The following MAP4K3 variants were observed in gnomAD, a reference collection of about 807,000 sequenced individuals.
MAP4K3 encodes the protein mitogen-activated protein kinase kinase kinase kinase 3.
A neutral mutation model predicts 143.5 loss-of-function variants in MAP4K3; 94 were observed. That is an observed-to-expected ratio of 0.65 (90% CI 0.55 to 0.78). The LOEUF (loss-of-function observed/expected upper bound fraction) is 0.78. Among genes scored for constraint, MAP4K3 ranks in the 30% least tolerant of loss-of-function variants. The pLI is 0.00. For missense variants in MAP4K3, 1,077 were observed against 1,068.1 expected (o/e 1.01, Z -0.12); for synonymous variants, 416 against 347.2 (o/e 1.20, Z -2.20).
At chr2:39,331,812 T>A (rs2148521582) in intron 8 of MAP4K3, 105 bp downstream of exon 8, 1 of 665,808 alleles carries the variant, frequency 1.5e-6, no homozygotes, top group East Asian at 2.8e-5. Flanking sequence ...TTGATGACTT[T>A]TTTCTTAATC....
chr2:39,251,526 T>A (rs1428912037), intron 33 of MAP4K3, among the ~76,000 whole-genome samples: 1 of 152,176 alleles, frequency 6.6e-6, no homozygotes, highest in Non-Finnish European at 1.5e-5. Context: ...TCCAAAATCC[T>A]ATCGGCATTA....
intron 1 of MAP4K3, chr2:39,436,567 A>T (rs1665488099): frequency 3.5e-6 from 1 of 283,870 alleles, no homozygotes; most frequent in African/African-American, 2.3e-5. Context: ...TGCCAACGCA[A>T]CAAACGCCCA....
intron 13 of MAP4K3, among the ~76,000 whole-genome samples, chr2:39,311,859 A>C (rs1682948001): frequency 6.6e-6 from 1 of 152,244 alleles, no homozygotes; most frequent in South Asian, 2.1e-4. Context: ...TTATTGTTTA[A>C]TATGAGCAGA....
At chr2:39,301,908 C>T (rs1682525886) in intron 15 of MAP4K3, among the ~76,000 whole-genome samples, 1 of 151,972 alleles carries the variant, frequency 6.6e-6, no homozygotes, top group Admixed American at 6.6e-5. Context: ...CCTGTAGTCC[C>T]AGCTACTCGG....
chr2:39,420,788 T>C (rs1296516657), intron 1 of MAP4K3, among the ~76,000 whole-genome samples: 1 of 152,172 alleles, frequency 6.6e-6, no homozygotes, highest in Non-Finnish European at 1.5e-5. Context: ...AAGCAAAAGA[T>C]GTCTCTTTCC....
intron 1 of MAP4K3, among the ~76,000 whole-genome samples, chr2:39,412,847 A>C (rs887342456): frequency 6.6e-6 from 1 of 152,162 alleles, no homozygotes; most frequent in Admixed American, 6.5e-5. Context: ...TAAAAAAAAA[A>C]CCTTAAAAAC....
intron 19 of MAP4K3, 47 bp from the exon 20 acceptor site, chr2:39,288,327 T>C: frequency 1.3e-6 from 2 of 1,545,604 alleles, no homozygotes; most frequent in South Asian, 1.1e-5. Context: ...ATCAAATTAT[T>C]TTCCTGAAGT....
At chr2:39,393,151 A>G (rs981279040) in intron 1 of MAP4K3, among the ~76,000 whole-genome samples, 3 of 152,184 alleles carry the variant, frequency 2.0e-5, no homozygotes, top group Non-Finnish European at 2.9e-5. Flanking sequence ...TTTGAGTTGG[A>G]GAAACTGATT....
chr2:39,292,877 G>A, intron 17 of MAP4K3, 51 bp from the exon 18 acceptor site: 1 of 1,478,918 alleles, frequency 6.8e-7, no homozygotes, highest in Non-Finnish European at 9.4e-7. Flanking sequence ...TACCAAAACA[G>A]TAAGAAGAAA....
intron 1 of MAP4K3, among the ~76,000 whole-genome samples, chr2:39,424,830 CAAAAAAAAAAAA>C (rs58960920): frequency 1.5e-5 from 1 of 68,198 alleles, no homozygotes; most frequent in Non-Finnish European, 2.8e-5. Flanking sequence ...TAACCTGACT[CAAAAAAAAAAAA>C]AAAAAAAAAA....
Position 39,288,213 on chromosome 2 carries a change from C to G in MAP4K3, c.1382G>C (p.Arg461Thr), listed in dbSNP as rs758458419. The G allele has an allele frequency of 7.4e-6, 12 of 1,614,022 alleles. No individual in the cohort carries two copies. The South Asian group carries it at 1.1e-4, about 15-fold the overall frequency. The change falls in exon 20 of 34, where the codon AGA becomes ACA. Residue 461 changes from arginine (R) to threonine (T), a missense_variant. By Grantham distance (71) the Arg-to-Thr change is moderately conservative. This residue lies in a region of MAP4K3 where 864 missense variants were observed against 801.2 expected (regional missense o/e 1.08). Transcript: ENST00000263881. ...TGCTGGGCTCCCTGACATGGGACAT[C>G]TCTTGATTGTTCCTTGATTTTCATC... is the stretch of plus-strand genomic sequence containing the variant. ...TEDENQGTIK[R>T]CPMSGSPAKP...
At chr2:39,323,088 G>C (rs111428495) in intron 12 of MAP4K3, among the ~76,000 whole-genome samples, 2 of 152,060 alleles carry the variant, frequency 1.3e-5, no homozygotes, top group Non-Finnish European at 2.9e-5. Context: ...CAAATCATTT[G>C]CAAATAAAAA....
intron 2 of MAP4K3, among the ~76,000 whole-genome samples, chr2:39,372,506 G>C (rs1258902303): frequency 7.0e-6 from 1 of 143,858 alleles, no homozygotes; most frequent in Non-Finnish European, 1.5e-5. Flanking sequence ...AAAAAAAAAA[G>C]AAACTGTAGG....
At chr2:39,384,254 T>C (rs1295434811) in intron 1 of MAP4K3, among the ~76,000 whole-genome samples, 1 of 152,006 alleles carries the variant, frequency 6.6e-6, no homozygotes, top group African/African-American at 2.4e-5. Flanking sequence ...CGGCCGGGCA[T>C]GGTGGCTCAA....
intron 1 of MAP4K3, among the ~76,000 whole-genome samples, chr2:39,415,913 A>C (rs1416601924): frequency 7.8e-6 from 1 of 127,984 alleles, no homozygotes; most frequent in Non-Finnish European, 1.6e-5. Context: ...AGATCGCACC[A>C]TTGCACTCCA....
At chr2:39,312,191 T>C (rs1159531004) in intron 13 of MAP4K3, among the ~76,000 whole-genome samples, 9 of 152,246 alleles carry the variant, frequency 5.9e-5, no homozygotes. Flanking sequence ...ACAGATTAAC[T>C]GTACTACATT....
At chr2:39,334,964 A>G (rs544963482) in intron 6 of MAP4K3, among the ~76,000 whole-genome samples, 1 of 152,304 alleles carries the variant, frequency 6.6e-6, no homozygotes, top group African/African-American at 2.4e-5. Flanking sequence ...TGGGTGAAGT[A>G]AGGGTACAGA....
chr2:39,268,634 A>ATTTTTCTTTTTTTTT (rs1680877839), intron 26 of MAP4K3, among the ~76,000 whole-genome samples: 1 of 73,770 alleles, frequency 1.4e-5, no homozygotes, highest in African/African-American at 5.2e-5. Flanking sequence ...GATTTTTTCT[A>ATTTTTCTTTTTTTTT]TTTTTTTTTT....
intron 21 of MAP4K3, among the ~76,000 whole-genome samples, chr2:39,284,012 GAT>G (rs1681655651): frequency 6.6e-6 from 1 of 152,096 alleles, no homozygotes; most frequent in Admixed American, 6.5e-5. Context: ...ATACTTTGTA[GAT>G]ATATTTTTGA....
Sources: allele counts gnomAD v4.1 joint callset (sites outside exome capture counted in the v4.1 genomes callset), GRCh38; gene constraint gnomAD v4.1.1; regional missense constraint gnomAD v4.1.1; transcripts MANE v1.5; gene names NCBI Gene and HGNC (gene_info 2026-07-23, HGNC 2026-07-21).